GRAMD1C: variants seen among roughly 807,000 people sequenced by gnomAD.
The protein encoded by GRAMD1C is GRAM domain containing 1C.
A neutral mutation model predicts 97.8 loss-of-function variants in GRAMD1C; 89 were observed. The ratio of observed to expected loss-of-function variants is 0.91; its 90% CI spans 0.77 to 1.09. The LOEUF (loss-of-function observed/expected upper bound fraction) is 1.09. Among genes scored for constraint, GRAMD1C ranks in the 50% least tolerant of loss-of-function variants. The pLI, the probability that GRAMD1C is intolerant of heterozygous loss-of-function variation, is 0.00. For synonymous variants in GRAMD1C, 256 were observed against 267.0 expected, an observed-to-expected ratio of 0.96 and a Z score of 0.40; for missense variants, 740 against 766.4, an observed-to-expected ratio of 0.97 and a Z score of 0.41.
At chr3:113,872,002 G>C (rs1012543084) in intron 3 of GRAMD1C, among the ~76,000 whole-genome samples, 3 of 152,110 alleles carry the variant, frequency 2.0e-5, no homozygotes, top group Non-Finnish European at 2.9e-5. Context: ...ATTAGGAAAT[G>C]TTTAATTCAG....
intron 5 of GRAMD1C, among the ~76,000 whole-genome samples, chr3:113,880,697 C>T (rs540115254): frequency 6.6e-6 from 1 of 152,290 alleles, no homozygotes; most frequent in African/African-American, 2.4e-5. Flanking sequence ...TCAGCATTTA[C>T]TGAACACTTA....
At chr3:113,872,944 G>T (rs1184060683) in intron 3 of GRAMD1C, among the ~76,000 whole-genome samples, 1 of 150,156 alleles carries the variant, frequency 6.7e-6, no homozygotes, top group Non-Finnish European at 1.5e-5. Context: ...AATTAGCCAG[G>T]CGTGGTGGCC....
chr3:113,904,105 G>A (rs1936268374), intron 7 of GRAMD1C, 35 bp from the exon 8 acceptor site: 2 of 1,566,918 alleles, frequency 1.3e-6, no homozygotes, highest in East Asian at 2.2e-5. Context: ...GTGTGGAGGT[G>A]ACCTTATATT....
Position 113,938,090 on chromosome 3 carries a change from GA to G in GRAMD1C, c.1643del (p.Lys548ArgfsTer13). 8 of 1,514,326 alleles carry G rather than the reference GA, an allele frequency of 5.3e-6. No individual in the cohort carries two copies. Among genetic ancestry groups the G allele is most frequent in the Middle Eastern group, 1.7e-4 (1 of 5,850 alleles). The allele number at this position is 1,514,326 out of a possible 1,614,324, so 93.8% of individuals were successfully genotyped here. On this transcript the variant is annotated frameshift_variant, in exon 15 of 18. Transcript: ENST00000358160. LOFTEE classifies it high-confidence loss of function. ...CCTTTTTCTTGTGATCTACAGGAAA[GA>G]AAAAGGAAATGGAAAACTATAACGT... is the stretch of plus-strand genomic sequence containing the variant. ...LGAKGDITGK[K>X]KEMENYNVTL...
upstream of GRAMD1C, among the ~76,000 whole-genome samples, chr3:113,836,518 C>T (rs1001603262): frequency 8.5e-5 from 11 of 128,806 alleles, 1 homozygote; most frequent in South Asian, 3.2e-3. Flanking sequence ...GGTGCTACTT[C>T]ACTCCTAAAT....
At chr3:113,868,100 T>C (rs1448180250) in intron 2 of GRAMD1C, among the ~76,000 whole-genome samples, 1 of 152,166 alleles carries the variant, frequency 6.6e-6, no homozygotes, top group Non-Finnish European at 1.5e-5. Flanking sequence ...TGATTGTAGT[T>C]TTCAACCCCA....
rs1245757574 is a variant in GRAMD1C at position 113,850,432 on chromosome 3, A to T, written c.174+5783A>T. The T allele has an allele frequency of 7.5e-6, 9 of 1,206,996 alleles. No homozygotes were observed. In the African/African-American group the frequency reaches 1.3e-4, roughly 18 times the overall value. The allele number at this position is 1,206,996 out of a possible 1,614,324, so 74.8% of individuals were successfully genotyped here. A position where few individuals can be genotyped will look rare whatever the true frequency, so the allele number is the denominator to read the frequency against. ...CCAGACCTTTAGGCCAAGGCCTGCC[A>T]GTCTCTGGATGGCTGCAGCGTAGGG... On this transcript the variant is annotated intron_variant, in intron 2 of 17. Coordinates refer to ENST00000358160, the MANE Select transcript of GRAMD1C (RefSeq NM_017577.5).
chr3:113,915,754 CAT>C lies in GRAMD1C; in HGVS notation c.1009_1010del (p.Ile337GlnfsTer3), dbSNP rs775789957. 1 of 1,608,780 alleles carries C rather than the reference CAT, an allele frequency of 6.2e-7. No individual in the cohort carries two copies. Among genetic ancestry groups the C allele is most frequent in the Admixed American group, 1.7e-5 (1 of 59,898 alleles). ...AAGACTTTTTATCAACCGTATTTTT[CAT>C]ATCAGTGCTGACAGAATGTTTGAAT... is the stretch of plus-strand genomic sequence containing the variant. ...HGRLFINRIFHISADRMFELL... is the reference protein window; with the variant it reads ...HGRLFINRIFXISADRMFELL... On this transcript the variant is annotated frameshift_variant, in exon 10 of 18. Transcript: ENST00000358160. LOFTEE classifies it high-confidence loss of function.
chr3:113,907,852 G>C (rs1224778584), intron 8 of GRAMD1C, among the ~76,000 whole-genome samples: 4 of 152,108 alleles, frequency 2.6e-5, no homozygotes, highest in African/African-American at 9.7e-5. Flanking sequence ...TGTAAGTGTG[G>C]AGCTGTAGAG....
In GRAMD1C at chr3:113,928,286, CA is replaced by C. The variant is rs200287432; in HGVS notation, c.1091-2427del. ...TGTTTGTGAGAGCGGCACACACGAG[CA>C]GCTTCTAATTCACCATCTTGACCCA... On this transcript the variant is annotated intron_variant, in intron 10 of 17. Transcript: ENST00000358160. Among the ~76,000 whole-genome samples the C allele has an allele frequency of 7.7e-3, 1,167 of 152,254 alleles. 15 individuals are homozygous for C. The highest frequency in any genetic ancestry group is 0.027 in the African/African-American group (1,115 of 41,548).
At chr3:113,928,386 T>C (rs539613250) in intron 10 of GRAMD1C, among the ~76,000 whole-genome samples, 37 of 152,346 alleles carry the variant, frequency 2.4e-4, no homozygotes, top group African/African-American at 8.7e-4. Context: ...TTTAAAAATA[T>C]GTAAAGCTTC....
chr3:113,931,684 T>TGGGA (rs1937433078), intron 11 of GRAMD1C, among the ~76,000 whole-genome samples: 1 of 152,128 alleles, frequency 6.6e-6, no homozygotes, highest in African/African-American at 2.4e-5. Flanking sequence ...ATATTAGCAC[T>TGGGA]TTGAGAGGCC....
At chr3:113,875,965 G>A (rs548133439) in intron 4 of GRAMD1C, 200 bp from the exon 5 acceptor site, 1 of 479,484 alleles carries the variant, frequency 2.1e-6, no homozygotes, top group African/African-American at 2.0e-5. Flanking sequence ...GTTGTTGGGG[G>A]AGAATACTGC....
chr3:113,833,081 C>G (rs1709579845), intron 1 of GRAMD1C, among the ~76,000 whole-genome samples: 1 of 150,566 alleles, frequency 6.6e-6, no homozygotes, highest in South Asian at 2.1e-4. Context: ...ATATATTTGC[C>G]TTCAAATTTT....
At chr3:113,853,924 C>T (rs1022038246) in intron 2 of GRAMD1C, among the ~76,000 whole-genome samples, 3 of 152,094 alleles carry the variant, frequency 2.0e-5, no homozygotes, top group African/African-American at 7.2e-5. Flanking sequence ...GAAGGGAAAG[C>T]GCAGGGTGTT....
At chr3:113,901,959 A>G (rs867543469) in intron 7 of GRAMD1C, among the ~76,000 whole-genome samples, 2 of 146,934 alleles carry the variant, frequency 1.4e-5, no homozygotes, top group African/African-American at 2.5e-5. Context: ...CCAGGAGCTG[A>G]TAGGAAGGGA....
intron 3 of GRAMD1C, among the ~76,000 whole-genome samples, chr3:113,872,958 G>A (rs1313180859): frequency 6.7e-6 from 1 of 150,210 alleles, no homozygotes; most frequent in Non-Finnish European, 1.5e-5. Context: ...GGTGGCCAGC[G>A]CCTATAGTCC....
At position 113,946,161 on chromosome 3, in the gene GRAMD1C, C is replaced by T. The variant is rs1938064769; in HGVS notation, c.*683C>T. 1.3e-5 allele frequency: 2 copies of T among 152,548 alleles called. No individual in the cohort carries two copies. Among genetic ancestry groups the T allele is most frequent in the Admixed American group, 1.3e-4 (2 of 15,276 alleles). 9.4% of individuals were successfully genotyped at this position (152,548 alleles called of 1,614,324 possible). A position where few individuals can be genotyped will look rare whatever the true frequency, so the allele number is the denominator to read the frequency against. The stretch of plus-strand genomic sequence containing the variant: ...CTTGCCTCCTCACTTAGAATACCAA[C>T]AGTCAAAAGGAAGAACCATCCTCTG... On this transcript the variant is annotated 3_prime_UTR_variant, in exon 18 of 18. Coordinates refer to ENST00000358160, the MANE Select transcript of GRAMD1C (RefSeq NM_017577.5).
At chr3:113,938,209 G>C (rs1937620381) in intron 15 of GRAMD1C, 66 bp downstream of exon 15, 4 of 744,582 alleles carry the variant, frequency 5.4e-6, no homozygotes, top group Non-Finnish European at 8.7e-6. Context: ...GTTTCCAAAA[G>C]AATTTGAATG....
Sources: gnomAD v4.1 joint callset for allele counts (sites outside exome capture counted in the v4.1 genomes callset) on GRCh38, gnomAD v4.1.1 for gene constraint, MANE v1.5 for transcripts, NCBI Gene and HGNC (gene_info 2026-07-23, HGNC 2026-07-21) for gene names.